The following PAQR6 variants were observed in gnomAD, a reference collection of about 807,000 sequenced individuals.
PAQR6 encodes the protein progestin and adipoQ receptor family member 6.
In PAQR6, 34 loss-of-function variants were observed where a neutral mutation model predicts 36.2. The ratio of observed to expected loss-of-function variants is 0.94; its 90% CI spans 0.71 to 1.25. PAQR6 has a LOEUF of 1.25. PAQR6 is among the 50% of genes most tolerant of loss of function. The pLI, the probability that PAQR6 is intolerant of heterozygous loss-of-function variation, is 0.00. For synonymous variants in PAQR6, 190 were observed against 190.7 expected (o/e 1.00, Z 0.03); for missense variants, 431 against 445.7 (o/e 0.97, Z 0.30).
rs1399664619 is a variant in PAQR6, at chr1:156,246,261, G to T, written c.52-11C>A. 4 of 1,602,420 alleles carry T rather than the reference G, an allele frequency of 2.5e-6. No individual in the cohort carries two copies. In the African/African-American group the frequency reaches 5.4e-5, roughly 21 times the overall value. On this transcript the variant is annotated splice_polypyrimidine_tract_variant and intron_variant, in intron 2 of 7. Coordinates refer to ENST00000292291, the MANE Select transcript of PAQR6 (RefSeq NM_198406.3). ...ATCTTCCCAGAACACCTAGGGTAGT[G>T]GTGGGAGAGGAAGGGCGTCACTGTG... is the stretch of plus-strand genomic sequence containing the variant.
rs1039414659 is a variant in PAQR6 at position 156,248,033 on chromosome 1, C to T, written c.-102G>A. The stretch of plus-strand genomic sequence containing the variant: ...CACGGGCGGAGTCCAAGGCTGCTGC[C>T]AGCCAGGCTGATGGAGGAAGAGTGG... On this transcript the variant is annotated 5_prime_UTR_variant, in exon 1 of 8. Coordinates refer to ENST00000292291, the MANE Select transcript of PAQR6 (RefSeq NM_198406.3). 32 of 462,872 alleles carry T rather than the reference C, an allele frequency of 6.9e-5. No homozygotes were observed. The highest frequency in any genetic ancestry group is 1.4e-4 in the Non-Finnish European group (32 of 223,002). 28.7% of individuals were successfully genotyped at this position (462,872 alleles called of 1,614,324 possible). A position where few individuals can be genotyped will look rare whatever the true frequency, so the allele number is the denominator to read the frequency against.
Position 156,244,144 on chromosome 1 carries a change from CTGGGTACCCCCCT to C in PAQR6, c.1007_1019del (p.Glu336GlyfsTer95). ...GGATGGGGCCTCACTGTTGTTTGGC[CTGGGTACCCCCCT>C]CCAGTGGGCCACCCTGCAGCAGAGG... is the stretch of plus-strand genomic sequence containing the variant. On this transcript the variant is annotated frameshift_variant, in exon 8 of 8. Transcript: ENST00000292291. LOFTEE classifies it high-confidence loss of function. The C allele has an allele frequency of 1.2e-6, 2 of 1,603,638 alleles. No homozygotes were observed. Among genetic ancestry groups the C allele is most frequent in the Non-Finnish European group, 1.7e-6 (2 of 1,171,990 alleles).
In PAQR6 at chr1:156,243,507, C is replaced by G; in HGVS notation, c.*622G>C. 1 of 480,900 alleles carries G rather than the reference C, an allele frequency of 2.1e-6. No homozygotes were observed. Among genetic ancestry groups the G allele is most frequent in the Non-Finnish European group, 3.7e-6 (1 of 269,602 alleles). The allele number at this position is 480,900 out of a possible 1,614,324, so 29.8% of individuals were successfully genotyped here. A position where few individuals can be genotyped will look rare whatever the true frequency, so the allele number is the denominator to read the frequency against. On this transcript the variant is annotated 3_prime_UTR_variant, in exon 8 of 8. Transcript: ENST00000292291. ...CAAAGTCTAACTAGGGATACCCCCT[C>G]TAGCCTAGGACCCTCCTCCCCACAC... is the stretch of plus-strand genomic sequence containing the variant.
Position 156,243,773 on chromosome 1 carries a change from G to C in PAQR6, c.*356C>G. 6.9e-7 allele frequency: 1 copy of C among 1,452,080 alleles called. No individual in the cohort carries two copies. The highest frequency in any genetic ancestry group is 1.3e-5 in the South Asian group (1 of 75,536). The allele number at this position is 1,452,080 out of a possible 1,614,324, so 89.9% of individuals were successfully genotyped here. Reference sequence around the variant, plus strand: ...TGTTAGTTCTTCCCTGTGCTGAGCAGAGACTTCCAGAAGCACCAGAAACGG... The same window carrying C: ...TGTTAGTTCTTCCCTGTGCTGAGCACAGACTTCCAGAAGCACCAGAAACGG... On this transcript the variant is annotated 3_prime_UTR_variant, in exon 8 of 8. Transcript: ENST00000292291.
At chr1:156,245,094 T>G in intron 6 of PAQR6, 48 bp downstream of exon 6, 1 of 1,604,132 alleles carries the variant, frequency 6.2e-7, no homozygotes, top group Non-Finnish European at 8.5e-7. Flanking sequence ...ACCTTGAGGG[T>G]CAGGACAGGA....
rs1195544242 is a variant in PAQR6 at position 156,246,704 on chromosome 1, G to GC, written c.27_28insG (p.Leu10AlafsTer173). 8.1e-6 allele frequency: 13 copies of GC among 1,613,834 alleles called. No homozygotes were observed. The highest frequency in any genetic ancestry group is 1.3e-5 in the African/African-American group (1 of 74,922). On this transcript the variant is annotated frameshift_variant, in exon 2 of 8. Coordinates refer to ENST00000292291, the MANE Select transcript of PAQR6 (RefSeq NM_198406.3). LOFTEE classifies it high-confidence loss of function. ...ACCCGGGGGACCTGGTGGACTTGAAGAAGTTGGGGCAGCTTGAGACTGAGC... is the reference window on the plus strand; with the variant it reads ...ACCCGGGGGACCTGGTGGACTTGAAGCAAGTTGGGGCAGCTTGAGACTGAGC...
At position 156,243,971 on chromosome 1, in the gene PAQR6, C is replaced by G. The variant is rs189286744; in HGVS notation, c.*158G>C. 2 of 1,614,226 alleles carry G rather than the reference C, an allele frequency of 1.2e-6. No individual in the cohort carries two copies. Among genetic ancestry groups the G allele is most frequent in the Non-Finnish European group, 1.7e-6 (2 of 1,180,018 alleles). On this transcript the variant is annotated 3_prime_UTR_variant, in exon 8 of 8. Transcript: ENST00000292291. ...CACTCTGCCAGTCCCCCTAGACACC[C>G]CTCCTCTTCTCTGCCCTCTCTCCTG...
Position 156,244,746 on chromosome 1 carries a change from C to G in PAQR6, c.760+15G>C. The stretch of plus-strand genomic sequence containing the variant: ...GCCCCTGCCTCTTCCCGGGCCGGGC[C>G]AGGCGTGCCCTCACCGATGTAATCA... On this transcript the variant is annotated intron_variant, in intron 7 of 7. Coordinates refer to ENST00000292291, the MANE Select transcript of PAQR6 (RefSeq NM_198406.3). 1 of 1,613,804 alleles carries G rather than the reference C, an allele frequency of 6.2e-7. No homozygotes were observed. The highest frequency in any genetic ancestry group is 8.5e-7 in the Non-Finnish European group (1 of 1,180,024).
chr1:156,244,024 T>A lies in PAQR6; in HGVS notation c.*105A>T, dbSNP rs202154972. ...CCCTCTCTCCTCAGCCCCTGTTGGT[T>A]CCAGGCTGAGATGCGTCCCCACCTG... On this transcript the variant is annotated 3_prime_UTR_variant, in exon 8 of 8. Coordinates refer to ENST00000292291, the MANE Select transcript of PAQR6 (RefSeq NM_198406.3). 1 of 1,614,152 alleles carries A rather than the reference T, an allele frequency of 6.2e-7. No individual in the cohort carries two copies. The highest frequency in any genetic ancestry group is 2.2e-5 in the East Asian group (1 of 44,882).
rs1659678111 is a variant in PAQR6, at chr1:156,243,749, G to A, written c.*380C>T. On this transcript the variant is annotated 3_prime_UTR_variant, in exon 8 of 8. Transcript: ENST00000292291. ...TTCAGGGTAGGCCTAGGTTAGTCGT[G>A]TTAGTTCTTCCCTGTGCTGAGCAGA... 2 of 1,330,356 alleles carry A rather than the reference G, an allele frequency of 1.5e-6. No homozygotes were observed. The highest frequency in any genetic ancestry group is 2.0e-6 in the Non-Finnish European group (2 of 979,518). The allele number at this position is 1,330,356 out of a possible 1,614,324, so 82.4% of individuals were successfully genotyped here.
chr1:156,248,056 TGGCCAGGCAGGCG>T (rs1035031272), upstream of PAQR6: 2 of 456,450 alleles, frequency 4.4e-6, no homozygotes, highest in South Asian at 1.6e-5. Flanking sequence ...GGAGGAAGAG[TGGCCAGGCAGGCG>T]GGCCAGGCCT....
chr1:156,245,143 C>T lies in PAQR6; in HGVS notation c.608G>A (p.Arg203Gln), dbSNP rs768012257. The part of the protein sequence containing the change: ...FLFDNLPLFY[R>Q]LGLCWGRGHG... ...GGCAGGGGCCCTAGGCCTCCTTACC[C>T]GATAAAAGAGTGGGAGGTTGTCGAA... The change falls in exon 6 of 8, where the codon CGG becomes CAG. Residue 203 changes from arginine to glutamine, a missense_variant and splice_region_variant. Coordinates refer to ENST00000292291, the MANE Select transcript of PAQR6 (RefSeq NM_198406.3). 58 of 1,613,434 alleles carry T rather than the reference C, an allele frequency of 3.6e-5. No individual in the cohort carries two copies. Among genetic ancestry groups the T allele is most frequent in the Non-Finnish European group, 4.4e-5 (52 of 1,179,720 alleles).
chr1:156,244,431 C>G, intron 7 of PAQR6, 28 bp from the exon 8 acceptor site: 1 of 1,473,390 alleles, frequency 6.8e-7, no homozygotes, highest in Non-Finnish European at 9.0e-7. Flanking sequence ...AGGTCAGAGC[C>G]ACACCTTTCC....
At chr1:156,245,366 A>C (rs1380126345) in intron 5 of PAQR6, 128 bp from the exon 6 acceptor site, 19 of 1,370,534 alleles carry the variant, frequency 1.4e-5, no homozygotes, top group East Asian at 1.4e-4. Flanking sequence ...GTTAGGGCAT[A>C]TGACCTCCTG....
Position 156,243,960 on chromosome 1 carries a change from C to T in PAQR6, c.*169G>A. 2 of 1,614,214 alleles carry T rather than the reference C, an allele frequency of 1.2e-6. No homozygotes were observed. The highest frequency in any genetic ancestry group is 1.1e-5 in the South Asian group (1 of 91,080). ...GGTCCCTCTCACACTCTGCCAGTCC[C>T]CCTAGACACCCCTCCTCTTCTCTGC... On this transcript the variant is annotated 3_prime_UTR_variant, in exon 8 of 8. Coordinates refer to ENST00000292291, the MANE Select transcript of PAQR6 (RefSeq NM_198406.3).
intron 1 of PAQR6, chr1:156,247,680 AAGAT>A (rs1660847131): frequency 1.1e-5 from 2 of 180,300 alleles, no homozygotes; most frequent in Admixed American, 1.3e-4. Flanking sequence ...CAGCAGAACA[AAGAT>A]GGATGAGGGC....
intron 2 of PAQR6, 107 bp from the exon 3 acceptor site, chr1:156,246,357 G>A: frequency 9.5e-7 from 1 of 1,052,336 alleles, no homozygotes; most frequent in Non-Finnish European, 1.4e-6. Context: ...GATCAACGTG[G>A]CCCCCAAGCC....
rs995779464 is a variant in PAQR6, at chr1:156,244,996, C to T, written c.610-85G>A. On this transcript the variant is annotated intron_variant, in intron 6 of 7. Transcript: ENST00000292291. Reference sequence around the variant, plus strand: ...TCTGGGATCTGGTGAGGACGCAGAGCGGGCGGGCACAGCTAGGCGGGGTGC... The same window carrying T: ...TCTGGGATCTGGTGAGGACGCAGAGTGGGCGGGCACAGCTAGGCGGGGTGC... The T allele has an allele frequency of 2.6e-5, 41 of 1,591,680 alleles. 1 individual carries two copies. In the South Asian group the frequency reaches 3.6e-4, roughly 14 times the overall value.
rs768782784 is a variant in PAQR6, at chr1:156,243,747, G to A, written c.*382C>T. The A allele has an allele frequency of 7.7e-6, 10 of 1,299,668 alleles. No homozygotes were observed. The East Asian group carries it at 1.6e-4, about 21-fold the overall frequency. 80.5% of individuals were successfully genotyped at this position (1,299,668 alleles called of 1,614,324 possible). On this transcript the variant is annotated 3_prime_UTR_variant, in exon 8 of 8. Coordinates refer to ENST00000292291, the MANE Select transcript of PAQR6 (RefSeq NM_198406.3). ...CATTCAGGGTAGGCCTAGGTTAGTC[G>A]TGTTAGTTCTTCCCTGTGCTGAGCA...
Sources: allele counts gnomAD v4.1 joint callset, GRCh38; gene constraint gnomAD v4.1.1; transcripts MANE v1.5; gene names NCBI Gene and HGNC (gene_info 2026-07-23, HGNC 2026-07-21).